CNOT1: variants seen among roughly 807,000 people sequenced by gnomAD.
CNOT1 encodes the protein CCR4-associated factor 1.
A neutral mutation model predicts 273.8 loss-of-function variants in CNOT1; 15 were observed. That is an observed-to-expected ratio of 0.05 (90% CI 0.04 to 0.08). CNOT1 has a LOEUF of 0.08. Ranked by LOEUF, CNOT1 falls within the 10% of genes least tolerant of loss-of-function variation. The pLI is 1.00. For missense variants in CNOT1, 1,644 were observed against 2,912.2 expected (o/e 0.56, Z 10.02); for synonymous variants, 1,022 against 1,005.5 (o/e 1.02, Z -0.31).
intron 44 of CNOT1, chr16:58,528,086 C>A (rs184760313): frequency 4.2e-4 from 190 of 454,924 alleles, no homozygotes; most frequent in African/African-American, 3.5e-3. Flanking sequence ...GCACTCCAGC[C>A]TGGGTCACAG....
At chr16:58,592,445 G>A in intron 2 of CNOT1, among the ~76,000 whole-genome samples, 1 of 152,130 alleles carries the variant, frequency 6.6e-6, no homozygotes, top group Non-Finnish European at 1.5e-5. Context: ...GGGTGTGGTG[G>A]AGCACAGCTA....
chr16:58,569,548 T>C (rs2041190639), intron 16 of CNOT1, among the ~76,000 whole-genome samples: 2 of 151,956 alleles, frequency 1.3e-5, no homozygotes, highest in African/African-American at 4.8e-5. Flanking sequence ...AAATTCGTTT[T>C]TTCCCATCAG....
intron 27 of CNOT1, 88 bp from the exon 28 acceptor site, chr16:58,546,837 A>C: frequency 1.3e-6 from 2 of 1,510,280 alleles, no homozygotes; most frequent in Non-Finnish European, 1.8e-6. Context: ...ATAAGGGGGT[A>C]GGGGGGAGTC....
intron 3 of CNOT1, among the ~76,000 whole-genome samples, chr16:58,588,107 T>C (rs990612652): frequency 6.6e-6 from 1 of 152,170 alleles, no homozygotes; most frequent in African/African-American, 2.4e-5. Context: ...AACACCTGCC[T>C]GGCCAACATG....
intron 2 of CNOT1, among the ~76,000 whole-genome samples, chr16:58,591,279 TCA>T (rs966403316): frequency 4.3e-4 from 66 of 152,324 alleles, no homozygotes; most frequent in Admixed American, 3.5e-3. Flanking sequence ...GCACATTTCA[TCA>T]CACAGTCAAT....
chr16:58,594,823 A>G (rs979502279), intron 2 of CNOT1, among the ~76,000 whole-genome samples: 9 of 151,532 alleles, frequency 5.9e-5, no homozygotes, highest in African/African-American at 1.5e-4. Flanking sequence ...AAGAAAAAGA[A>G]AAAGAAAAAA....
At chr16:58,525,944 C>T (rs573743711) in intron 45 of CNOT1, 45 bp downstream of exon 45, 1 of 1,574,340 alleles carries the variant, frequency 6.4e-7, no homozygotes, top group South Asian at 1.1e-5. Flanking sequence ...ATAGAAAGTG[C>T]TTTATATGGA....
chr16:58,549,622 CAATA>C, intron 25 of CNOT1, 93 bp downstream of exon 25: 1 of 1,466,302 alleles, frequency 6.8e-7, no homozygotes, highest in Admixed American at 2.7e-5. Flanking sequence ...CTAATATTGA[CAATA>C]TATATGGAAA....
At chr16:58,560,118 G>GT (rs1395744435) in intron 17 of CNOT1, 94 bp downstream of exon 17, 5 of 1,541,044 alleles carry the variant, frequency 3.2e-6, no homozygotes, top group Non-Finnish European at 4.4e-6. Flanking sequence ...TATCTAAAAT[G>GT]TAATAAATTC....
chr16:58,606,773 T>C lies in CNOT1; in HGVS notation c.-174-7262A>G, dbSNP rs554449656. Among the ~76,000 whole-genome samples the C allele has an allele frequency of 2.6e-5, 4 of 151,002 alleles. No homozygotes were observed. In the East Asian group the frequency reaches 7.8e-4, roughly 30 times the overall value. ...GAGCTGAGATCAAACCATTGCACTCTAGCCTGGGCAGCAGAGCAAGACACC... is the reference window on the plus strand; with the variant it reads ...GAGCTGAGATCAAACCATTGCACTCCAGCCTGGGCAGCAGAGCAAGACACC... On this transcript the variant is annotated intron_variant, in intron 1 of 48. Coordinates refer to ENST00000317147, the MANE Select transcript of CNOT1 (RefSeq NM_016284.5).
At chr16:58,596,552 G>A (rs970278136) in intron 2 of CNOT1, among the ~76,000 whole-genome samples, 1 of 152,024 alleles carries the variant, frequency 6.6e-6, no homozygotes, top group African/African-American at 2.4e-5. Context: ...TGAGGGCAAG[G>A]TGTTTTCATC....
At chr16:58,602,475 C>T (rs1454768699) in intron 1 of CNOT1, among the ~76,000 whole-genome samples, 5 of 141,784 alleles carry the variant, frequency 3.5e-5, no homozygotes, top group African/African-American at 1.3e-4. Flanking sequence ...ATTGCCTAAA[C>T]CTGAGAGGCG....
At chr16:58,590,527 G>A (rs67946456) in intron 2 of CNOT1, among the ~76,000 whole-genome samples, 34,763 of 151,882 alleles carry the variant, frequency 0.23, 4,340 homozygotes, top group African/African-American at 0.33. Flanking sequence ...CCCAGGAGGC[G>A]GAGGTTGCAG....
intron 44 of CNOT1, chr16:58,528,171 A>G: frequency 1.9e-6 from 1 of 522,594 alleles, no homozygotes; most frequent in South Asian, 1.6e-5. Flanking sequence ...CATGTGGGGC[A>G]CACCCAGCAA....
At chr16:58,543,140 A>C in intron 31 of CNOT1, 1 of 1,360,444 alleles carries the variant, frequency 7.4e-7, no homozygotes, top group Non-Finnish European at 9.5e-7. Flanking sequence ...AAATCATTAA[A>C]GCAGTAAACA....
chr16:58,567,924 T>C (rs1302427145), intron 16 of CNOT1, among the ~76,000 whole-genome samples: 1 of 152,226 alleles, frequency 6.6e-6, no homozygotes, highest in Non-Finnish European at 1.5e-5. Flanking sequence ...AATGACAAGG[T>C]TGGATTTATT....
chr16:58,618,684 T>TAA (rs2043187635), intron 1 of CNOT1, among the ~76,000 whole-genome samples: 1 of 151,010 alleles, frequency 6.6e-6, no homozygotes, highest in Non-Finnish European at 1.5e-5. Context: ...GACCCTTCCG[T>TAA]AGTTCATAAG....
intron 16 of CNOT1, among the ~76,000 whole-genome samples, chr16:58,567,228 T>C (rs1332941731): frequency 6.6e-6 from 1 of 152,084 alleles, no homozygotes; most frequent in Non-Finnish European, 1.5e-5. Context: ...CCCAGCGCTT[T>C]AGGATGCAGA....
rs148457392 is a variant in CNOT1 at position 58,554,807 on chromosome 16, G to A, written c.2891+444C>T. On this transcript the variant is annotated intron_variant, in intron 21 of 48. Coordinates refer to ENST00000317147, the MANE Select transcript of CNOT1 (RefSeq NM_016284.5). Reference sequence around the variant, plus strand: ...AAAAATTAGCTGGGTGCAGTGGCACGCGTCTGTAATCCCAGCTACTTGAGA... The same window carrying A: ...AAAAATTAGCTGGGTGCAGTGGCACACGTCTGTAATCCCAGCTACTTGAGA... 2.7e-3 allele frequency among the ~76,000 whole-genome samples: 408 copies of A among 151,932 alleles called. 3 individuals carry two copies. Among genetic ancestry groups the A allele is most frequent in the African/African-American group, 8.9e-3 (369 of 41,410 alleles).
Sources: gnomAD v4.1 joint callset for allele counts (sites outside exome capture counted in the v4.1 genomes callset) on GRCh38, gnomAD v4.1.1 for gene constraint, MANE v1.5 for transcripts, NCBI Gene and HGNC (gene_info 2026-07-23, HGNC 2026-07-21) for gene names.